The following TOP1MT variants were observed in gnomAD, a reference collection of about 807,000 sequenced individuals.
The protein encoded by TOP1MT is DNA topoisomerase I, mitochondrial.
Under a neutral mutation model 73.9 loss-of-function variants are expected in TOP1MT, and 80 were observed. The ratio of observed to expected loss-of-function variants is 1.08; its 90% CI spans 0.90 to 1.30. TOP1MT has a LOEUF of 1.30. Ranked by LOEUF, TOP1MT falls within the 50% of genes most tolerant of loss-of-function variation. The probability of loss-of-function intolerance (pLI) is 0.00; values close to 1 mark genes in which losing one functional copy is unlikely to be tolerated. For synonymous variants in TOP1MT, 338 were observed against 326.4 expected, an observed-to-expected ratio of 1.04 and a Z score of -0.38; for missense variants, 815 against 808.0, an observed-to-expected ratio of 1.01 and a Z score of -0.10.
At chr8:143,319,489 G>A (rs188673201) in intron 8 of TOP1MT, among the ~76,000 whole-genome samples, 1 of 151,996 alleles carries the variant, frequency 6.6e-6, no homozygotes, top group Non-Finnish European at 1.5e-5. Context: ...GAGGTGCAGG[G>A]AGTTCGTGCG....
chr8:143,321,949 A>G (rs1816422878), intron 7 of TOP1MT, among the ~76,000 whole-genome samples: 3 of 127,176 alleles, frequency 2.4e-5, no homozygotes, highest in Non-Finnish European at 1.6e-5. Context: ...CGCACGCCAC[A>G]CACGCACGCC....
rs757523104 is a variant in TOP1MT, at chr8:143,316,040, G to A, written c.1417C>T (p.Pro473Ser). Residue 473 changes from proline to serine, a missense_variant, in exon 11 of 14, where the codon CCC becomes TCC. This residue lies in a region of TOP1MT where 751 missense variants were observed against 725.4 expected (regional missense o/e 1.04). Coordinates refer to ENST00000329245, the MANE Select transcript of TOP1MT (RefSeq NM_052963.3). Reference sequence around the variant, plus strand: ...TGCATCGACTTCTCGAACGTACTGGGGGTTGCTCGCTGATGGTTGCAGAGA... The same window carrying A: ...TGCATCGACTTCTCGAACGTACTGGAGGTTGCTCGCTGATGGTTGCAGAGA... ...AILCNHQRAT[P>S]STFEKSMQNL... is the part of the protein sequence containing the mutation. 1 of 1,614,166 alleles carries A rather than the reference G, an allele frequency of 6.2e-7. No individual in the cohort carries two copies.
chr8:143,317,772 G>A lies in TOP1MT; in HGVS notation c.1281C>T (p.Thr427=). 1 of 1,614,176 alleles carries A rather than the reference G, an allele frequency of 6.2e-7. No individual in the cohort carries two copies. Among genetic ancestry groups the A allele is most frequent in the Non-Finnish European group, 8.5e-7 (1 of 1,180,036 alleles). The change falls in exon 10 of 14, where the codon ACC becomes ACT. Residue 427 remains threonine, a synonymous_variant. Coordinates refer to ENST00000329245, the MANE Select transcript of TOP1MT (RefSeq NM_052963.3). ...MDGLTAKVFR[T]YNASITLQEQ... ...CCTGCAGAGTGATGGAGGCGTTGTA[G>A]GTCCGGAACACCTTGGCCGTCAGCC...
In TOP1MT at chr8:143,321,212, C is replaced by G. The variant is rs763039733; in HGVS notation, c.1135G>C (p.Val379Leu). The G allele has an allele frequency of 3.8e-6, 6 of 1,598,650 alleles. No homozygotes were observed. The highest frequency in any genetic ancestry group is 4.3e-6 in the Non-Finnish European group (5 of 1,170,270). Residue 379 changes from valine to leucine, a missense_variant, in exon 8 of 14, where the codon GTG (valine) becomes CTG (leucine). Val to Leu is a conservative substitution (Grantham distance 32, BLOSUM62 1). This residue lies in a region of TOP1MT where 751 missense variants were observed against 725.4 expected (regional missense o/e 1.04). Transcript: ENST00000329245. ...GCGAGGGCACTCACCGGCTTCTCCA[C>G]CGGCACTCTGTTGTAGTAGCGGATG... is the stretch of plus-strand genomic sequence containing the variant. ...DCIRYYNRVP[V>L]EKPVYKNLQL...
chr8:143,347,268 C>T (rs1817240501), upstream of TOP1MT, among the ~76,000 whole-genome samples: 1 of 152,226 alleles, frequency 6.6e-6, no homozygotes, highest in Non-Finnish European at 1.5e-5. Flanking sequence ...CGTTCTACTG[C>T]CTCAGCCTCC....
chr8:143,349,571 T>C (rs985805524), upstream of TOP1MT, among the ~76,000 whole-genome samples: 1 of 152,162 alleles, frequency 6.6e-6, no homozygotes, highest in Admixed American at 6.5e-5. Flanking sequence ...CACTCTGGTC[T>C]GTGTGTATGC....
chr8:143,310,197 C>T lies in TOP1MT; in HGVS notation c.1574G>A (p.Arg525Gln). 1.3e-6 allele frequency: 2 copies of T among 1,590,178 alleles called. No individual in the cohort carries two copies. The highest frequency in any genetic ancestry group is 8.6e-7 in the Non-Finnish European group (1 of 1,168,422). ...CTGCTCCTGCAGCTTCTCCAGGAGC[C>T]GCCTCTTCTTCTCCAGGACACTGGC... ...KSRSVLEKKR[R>Q]LLEKLQEQLA... is the part of the protein sequence containing the mutation. Residue 525 changes from arginine to glutamine, a missense_variant, in exon 13 of 14, where the codon CGG becomes CAG. Around this residue, in one of 3 missense-constraint regions of TOP1MT, gnomAD observed 751 missense variants for 725.4 expected, o/e 1.04. Coordinates refer to ENST00000329245, the MANE Select transcript of TOP1MT (RefSeq NM_052963.3).
At chr8:143,331,575 G>A (rs1321779001) in intron 1 of TOP1MT, among the ~76,000 whole-genome samples, 3 of 152,272 alleles carry the variant, frequency 2.0e-5, no homozygotes, top group East Asian at 1.9e-4. Context: ...GCTGAGTCAC[G>A]GATCCCACCA....
At chr8:143,310,371 T>C (rs1815978662) in intron 12 of TOP1MT, 154 bp from the exon 13 acceptor site, 1 of 586,356 alleles carries the variant, frequency 1.7e-6, no homozygotes. Context: ...CCAGCCGGGA[T>C]CAAAGGTGGA....
upstream of TOP1MT, among the ~76,000 whole-genome samples, chr8:143,357,210 T>C (rs543228807): frequency 2.1e-4 from 32 of 150,804 alleles, no homozygotes; most frequent in African/African-American, 5.6e-4. Context: ...TAGACTAGGC[T>C]GGGCAACATA....
chr8:143,321,459 GCACGCCACAC>G, intron 7 of TOP1MT, 73 bp from the exon 8 acceptor site: 1 of 1,024,958 alleles, frequency 9.8e-7, no homozygotes, highest in Non-Finnish European at 1.3e-6. Context: ...CCACACACAC[GCACGCCACAC>G]ACGCACGCCA....
chr8:143,321,906 A>G (rs1586758077), intron 7 of TOP1MT, among the ~76,000 whole-genome samples: 1 of 98,880 alleles, frequency 1.0e-5, no homozygotes, highest in Non-Finnish European at 2.0e-5. Context: ...CACGCCACAC[A>G]CACAGGCACG....
Position 143,310,177 on chromosome 8 carries a change from C to A in TOP1MT, c.1594G>T (p.Glu532Ter). ...KKRRLLEKLQ[E>*]QLAQLSVQAT... is the part of the protein sequence containing the mutation. ...TGCACACTCAGCTGCGCCAGCTGCT[C>A]CTGCAGCTTCTCCAGGAGCCGCCTC... Residue 532 changes from glutamate (E) to a stop codon, truncating the protein, a stop_gained, in exon 13 of 14, where the codon GAG becomes TAG. Coordinates refer to ENST00000329245, the MANE Select transcript of TOP1MT (RefSeq NM_052963.3). LOFTEE classifies it high-confidence loss of function. The A allele has an allele frequency of 6.2e-7, 1 of 1,602,858 alleles. No individual in the cohort carries two copies. The highest frequency in any genetic ancestry group is 1.1e-5 in the South Asian group (1 of 90,082).
chr8:143,359,538 G>A (rs556944651), upstream of TOP1MT: 74 of 564,952 alleles, frequency 1.3e-4, 1 homozygote, highest in South Asian at 4.7e-3. Context: ...GCGATGAGGA[G>A]GGGTGGGGCA....
At chr8:143,323,347 TGCACGCCACACCCACAGGCACGCCAC>T (rs2130176479) in intron 7 of TOP1MT, among the ~76,000 whole-genome samples, 1 of 31,604 alleles carries the variant, frequency 3.2e-5, no homozygotes, top group East Asian at 1.1e-3. Flanking sequence ...GCCACACACA[TGCACGCCACACCCACAGGCACGCCAC>T]ACAGATGCAT....
chr8:143,346,197 G>T (rs916513996), upstream of TOP1MT, among the ~76,000 whole-genome samples: 1 of 152,204 alleles, frequency 6.6e-6, no homozygotes, highest in African/African-American at 2.4e-5. Flanking sequence ...CTCCAGAACA[G>T]CTCCGAAGGC....
upstream of TOP1MT, among the ~76,000 whole-genome samples, chr8:143,348,455 A>AC (rs929510690): frequency 2.6e-5 from 4 of 151,420 alleles, no homozygotes; most frequent in Admixed American, 2.6e-4. This position sits in a 1 kb window ranked among gnomAD's most constrained non-coding sequence, Gnocchi z 4.6. Flanking sequence ...CCTGACAGAC[A>AC]CCCCCCACCG....
intron 1 of TOP1MT, among the ~76,000 whole-genome samples, chr8:143,333,566 G>A (rs1462120814): frequency 6.6e-6 from 1 of 152,222 alleles, no homozygotes; most frequent in African/African-American, 2.4e-5. Flanking sequence ...AAGACACTGA[G>A]GTGAAACAAC....
chr8:143,322,582 G>T (rs1261385236), intron 7 of TOP1MT, among the ~76,000 whole-genome samples: 1 of 100,598 alleles, frequency 9.9e-6, no homozygotes, highest in African/African-American at 4.1e-5. Context: ...CCACACACAT[G>T]CACGCCACAC....
Sources: allele counts gnomAD v4.1 joint callset (sites outside exome capture counted in the v4.1 genomes callset), GRCh38; gene constraint gnomAD v4.1.1; regional missense constraint gnomAD v4.1.1; non-coding constraint Gnocchi (gnomAD v3.1); transcripts MANE v1.5; gene names NCBI Gene and HGNC (gene_info 2026-07-23, HGNC 2026-07-21).